COL6A3: variants seen among roughly 807,000 people sequenced by gnomAD.
COL6A3 encodes the protein collagen type VI alpha 3 chain.
COL6A3 carries 137 observed loss-of-function variants against 274.1 expected under a neutral mutation model. The observed-to-expected ratio is 0.50, with a 90% CI of 0.44 to 0.58. The LOEUF (loss-of-function observed/expected upper bound fraction) is 0.58, where lower values mean the gene tolerates loss of function less well. COL6A3 is among the 20% of genes least tolerant of loss of function. COL6A3 has a pLI of 0.00. For missense variants in COL6A3, 3,950 were observed against 4,124.9 expected, an observed-to-expected ratio of 0.96 and a Z score of 1.16; for synonymous variants, 1,650 against 1,650.6, an observed-to-expected ratio of 1.00 and a Z score of 0.01.
intron 1 of COL6A3, among the ~76,000 whole-genome samples, chr2:237,412,383 G>A (rs148063453): frequency 8.5e-5 from 13 of 152,308 alleles, no homozygotes; most frequent in South Asian, 2.1e-4. Context: ...TTTTCCCAAC[G>A]AGATGTGAGT....
intron 5 of COL6A3, 129 bp downstream of exon 5, chr2:237,380,786 T>C (rs970875156): frequency 1.6e-5 from 14 of 859,108 alleles, no homozygotes; most frequent in Non-Finnish European, 2.3e-5. Flanking sequence ...GAATAAATCA[T>C]GTTCGTTGCT....
At chr2:237,410,597 G>A (rs1362177167) in intron 1 of COL6A3, among the ~76,000 whole-genome samples, 1 of 152,046 alleles carries the variant, frequency 6.6e-6, no homozygotes, top group Non-Finnish European at 1.5e-5. Flanking sequence ...GAGCCACAGT[G>A]CCCAGCCCTC....
chr2:237,326,299 C>T (rs1369222026), intron 42 of COL6A3: 1 of 151,420 alleles, frequency 6.6e-6, no homozygotes, highest in East Asian at 1.9e-4. Context: ...TAGCCAAGAG[C>T]CTTTGTGACC....
At position 237,366,548 on chromosome 2, in the gene COL6A3, C is replaced by A. The variant is rs776850675; in HGVS notation, c.5500+139G>T. The A allele has an allele frequency of 3.2e-6, 4 of 1,254,378 alleles. No individual in the cohort carries two copies. The African/African-American group carries it at 4.4e-5, about 14-fold the overall frequency. 77.7% of individuals were successfully genotyped at this position (1,254,378 alleles called of 1,614,324 possible). On this transcript the variant is annotated intron_variant, in intron 11 of 43. Coordinates refer to ENST00000295550, the MANE Select transcript of COL6A3 (RefSeq NM_004369.4). ...GTAGTGGTGAGGTGGGTGTCAGGACCAGTCCCAGTGGGTATAAGTAAATGT... is the reference window on the plus strand; with the variant it reads ...GTAGTGGTGAGGTGGGTGTCAGGACAAGTCCCAGTGGGTATAAGTAAATGT...
rs535178881 is a variant in COL6A3, at chr2:237,414,073, A to G, written c.-151T>C. On this transcript the variant is annotated 5_prime_UTR_variant, in exon 1 of 44. Transcript: ENST00000295550. ...CTTTTTGCAGCCTTTCTCCACCAAA[A>G]AAGTGGAGACTCAGAGCTGCGGAGG... 1 of 152,258 alleles carries G rather than the reference A, an allele frequency of 6.6e-6. No homozygotes were observed. Among genetic ancestry groups the G allele is most frequent in the Non-Finnish European group, 1.5e-5 (1 of 68,018 alleles). The allele number at this position is 152,258 out of a possible 1,614,324, so 9.4% of individuals were successfully genotyped here.
chr2:237,358,523 G>T lies in COL6A3; in HGVS notation c.6469C>A (p.Pro2157Thr). The T allele has an allele frequency of 6.2e-7, 1 of 1,613,460 alleles. No individual in the cohort carries two copies. The highest frequency in any genetic ancestry group is 8.5e-7 in the Non-Finnish European group (1 of 1,179,504). ...ATCGTCAATAAAGAAATCTTTACCG[G>T]GTCCCCTCGAATCCCAACATCTCCT... ...ERGDVGIRGD[P>T]GNPGQDSQER... The change falls in exon 21 of 44, where the codon CCG becomes ACG. Residue 2157 changes from proline (P) to threonine (T), a missense_variant and splice_region_variant. Pro to Thr is a conservative substitution (Grantham distance 38). Around this residue, in one of 5 missense-constraint regions of COL6A3, gnomAD observed 1,284 missense variants for 1,349.7 expected, o/e 0.95. Transcript: ENST00000295550.
intron 1 of COL6A3, among the ~76,000 whole-genome samples, chr2:237,405,087 C>T (rs1282968828): frequency 1.3e-5 from 2 of 152,022 alleles, no homozygotes; most frequent in Non-Finnish European, 2.9e-5. Context: ...AGGAAAGGAG[C>T]CCTTCCAGCT....
chr2:237,343,179 GAATA>G (rs2077024276), intron 36 of COL6A3: 1 of 152,072 alleles, frequency 6.6e-6, no homozygotes, highest in African/African-American at 2.4e-5. Flanking sequence ...GAACTGCACT[GAATA>G]AATATTAATT....
intron 1 of COL6A3, among the ~76,000 whole-genome samples, chr2:237,399,824 C>T (rs1475201701): frequency 1.3e-5 from 2 of 152,210 alleles, no homozygotes; most frequent in South Asian, 2.1e-4. Flanking sequence ...TCTGCTCTCT[C>T]GGACTCCATT....
intron 3 of COL6A3, among the ~76,000 whole-genome samples, chr2:237,394,257 T>C (rs558864611): frequency 1.3e-5 from 2 of 152,190 alleles, no homozygotes; most frequent in Non-Finnish European, 2.9e-5. Flanking sequence ...TAGAGGAGTT[T>C]GATCAGATGC....
At chr2:237,410,738 G>C (rs2078836952) in intron 1 of COL6A3, among the ~76,000 whole-genome samples, 1 of 152,174 alleles carries the variant, frequency 6.6e-6, no homozygotes, top group Non-Finnish European at 1.5e-5. Flanking sequence ...ATACTCCCTG[G>C]AAATAAGACA....
At chr2:237,369,624 T>C (rs1399215083) in intron 9 of COL6A3, among the ~76,000 whole-genome samples, 1 of 152,160 alleles carries the variant, frequency 6.6e-6, no homozygotes, top group Non-Finnish European at 1.5e-5. Flanking sequence ...GGCCATCACT[T>C]AGCAAGTGAG....
At chr2:237,347,984 A>C in intron 30 of COL6A3, 115 bp from the exon 31 acceptor site, 1 of 966,820 alleles carries the variant, frequency 1.0e-6, no homozygotes, top group Non-Finnish European at 1.6e-6. Flanking sequence ...CGGGCAGCCA[A>C]GTGGTTAGTT....
Position 237,348,875 on chromosome 2 carries a change from C to T in COL6A3, c.6880-212G>A, listed in dbSNP as rs73999308. 8.1e-3 allele frequency among the ~76,000 whole-genome samples: 1,228 copies of T among 152,218 alleles called. 26 individuals carry two copies. Among genetic ancestry groups the T allele is most frequent in the African/African-American group, 0.028 (1,176 of 41,536 alleles). The stretch of plus-strand genomic sequence containing the variant: ...GTAGGCGGTGGGCTCAAAGGACTCC[C>T]GTAGCAAAATGGCACTGGCGGACTA... On this transcript the variant is annotated intron_variant, in intron 28 of 43. Transcript: ENST00000295550.
At chr2:237,396,597 C>T in intron 2 of COL6A3, 130 bp downstream of exon 2, 2 of 898,318 alleles carry the variant, frequency 2.2e-6, no homozygotes, top group South Asian at 1.4e-5. Flanking sequence ...TCCTATCTGA[C>T]TATCCTATAA....
chr2:237,412,407 C>T (rs1463560747), intron 1 of COL6A3, among the ~76,000 whole-genome samples: 1 of 152,214 alleles, frequency 6.6e-6, no homozygotes, highest in Non-Finnish European at 1.5e-5. Flanking sequence ...TTGGGATCCT[C>T]CGTCACTGGC....
intron 4 of COL6A3, among the ~76,000 whole-genome samples, chr2:237,382,987 T>C (rs1484107521): frequency 1.3e-5 from 2 of 152,084 alleles, no homozygotes; most frequent in Non-Finnish European, 2.9e-5. Context: ...TTGGTAGAGA[T>C]GGGGTTTCAC....
intron 39 of COL6A3, among the ~76,000 whole-genome samples, chr2:237,337,392 C>T (rs1392144454): frequency 1.3e-5 from 2 of 152,126 alleles, no homozygotes; most frequent in Admixed American, 1.3e-4. Context: ...TCCAGTGCCA[C>T]GATAAGGGTC....
chr2:237,360,504 T>C (rs1346978844), intron 16 of COL6A3, among the ~76,000 whole-genome samples: 2 of 152,138 alleles, frequency 1.3e-5, no homozygotes, highest in Non-Finnish European at 2.9e-5. Flanking sequence ...AAGTGATGCT[T>C]GATTCCCAGT....
Sources: gnomAD v4.1 joint callset for allele counts (sites outside exome capture counted in the v4.1 genomes callset) on GRCh38, gnomAD v4.1.1 for gene constraint, gnomAD v4.1.1 regional missense constraint, MANE v1.5 for transcripts, NCBI Gene and HGNC (gene_info 2026-07-23, HGNC 2026-07-21) for gene names.